The following SORCS3 variants were observed in gnomAD, a reference collection of about 807,000 sequenced individuals.
SORCS3 encodes the protein sortilin related VPS10 domain containing receptor 3.
In SORCS3, 57 loss-of-function variants were observed where a neutral mutation model predicts 146.3. That is an observed-to-expected ratio of 0.39 (90% CI 0.31 to 0.49). The LOEUF (loss-of-function observed/expected upper bound fraction) is 0.49, where lower values mean the gene tolerates loss of function less well. Among genes scored for constraint, SORCS3 ranks in the 20% least tolerant of loss-of-function variants. SORCS3 has a pLI of 0.92. For missense variants in SORCS3, 1,341 were observed against 1,575.5 expected, an observed-to-expected ratio of 0.85 and a Z score of 2.52; for synonymous variants, 653 against 618.5, an observed-to-expected ratio of 1.06 and a Z score of -0.83.
At chr10:105,187,346 A>G (rs1409508740) in intron 14 of SORCS3, among the ~76,000 whole-genome samples, 1 of 152,114 alleles carries the variant, frequency 6.6e-6, no homozygotes, top group Non-Finnish European at 1.5e-5. Flanking sequence ...GCCTATTTCT[A>G]TTAAGGTCTA....
intron 12 of SORCS3, among the ~76,000 whole-genome samples, 182 bp downstream of exon 12, chr10:105,164,561 G>T (rs1192482075): frequency 1.3e-5 from 2 of 152,188 alleles, no homozygotes; most frequent in Admixed American, 6.5e-5. Flanking sequence ...AATGAGAAGG[G>T]CATTGGGCAG....
At chr10:104,694,362 C>G (rs1009472738) in intron 1 of SORCS3, among the ~76,000 whole-genome samples, 1 of 151,694 alleles carries the variant, frequency 6.6e-6, no homozygotes, top group East Asian at 2.0e-4. Flanking sequence ...CTCCAGCTCA[C>G]CTTGGACCAG....
At position 105,089,882 on chromosome 10, in the gene SORCS3, T is replaced by C. The variant is rs1305393938; in HGVS notation, c.1093+43T>C. On this transcript the variant is annotated intron_variant, in intron 6 of 26. Transcript: ENST00000369701. ...CAGGCTAGGCCCAGGGAGATCTGCC[T>C]GCAGGTCTCTGTCCTCCCCCAATTT... 10 of 1,474,678 alleles carry C rather than the reference T, an allele frequency of 6.8e-6. No individual in the cohort carries two copies. The Admixed American group carries it at 1.7e-4, about 25-fold the overall frequency. 91.3% of individuals were successfully genotyped at this position (1,474,678 alleles called of 1,614,324 possible). A position where few individuals can be genotyped will look rare whatever the true frequency, so the allele number is the denominator to read the frequency against.
intron 5 of SORCS3, among the ~76,000 whole-genome samples, chr10:105,075,686 C>T (rs922931659): frequency 6.6e-6 from 1 of 152,100 alleles, no homozygotes; most frequent in Non-Finnish European, 1.5e-5. Flanking sequence ...GGCTTTCTAA[C>T]AATCAACAGT....
Position 105,256,844 on chromosome 10 carries a change from G to C in SORCS3, c.3363G>C (p.Gly1121=), listed in dbSNP as rs765900928. The C allele has an allele frequency of 5.0e-6, 8 of 1,613,960 alleles. No individual in the cohort carries two copies. The Admixed American group carries it at 1.3e-4, about 27-fold the overall frequency. The change falls in exon 25 of 27, where the codon GGG becomes GGC. Residue 1121 remains glycine (G), a synonymous_variant. Coordinates refer to ENST00000369701, the MANE Select transcript of SORCS3 (RefSeq NM_014978.3). The stretch of plus-strand genomic sequence containing the variant: ...CTCCATTGGTGGACTCCAGTGCTGG[G>C]CACAGCAGCTCAGCCATGCTTATGC... ...TLAPLVDSSA[G]HSSSAMLMLL... is the part of the protein sequence containing the mutation.
chr10:104,693,030 C>A (rs906656347), intron 1 of SORCS3, among the ~76,000 whole-genome samples: 18 of 152,192 alleles, frequency 1.2e-4, no homozygotes, highest in African/African-American at 4.3e-4. Flanking sequence ...CACTAGTCTA[C>A]CCCAGGGGCA....
chr10:105,087,883 G>C (rs909401464), intron 5 of SORCS3, among the ~76,000 whole-genome samples: 4 of 152,206 alleles, frequency 2.6e-5, no homozygotes, highest in African/African-American at 9.6e-5. Context: ...TCCCATCTGT[G>C]AAAGTTTTTA....
chr10:104,704,154 A>G (rs1006757242), intron 1 of SORCS3, among the ~76,000 whole-genome samples: 6 of 145,346 alleles, frequency 4.1e-5, no homozygotes, highest in African/African-American at 1.5e-4. Context: ...AGCTCATCCA[A>G]GTTTCCTTCT....
intron 6 of SORCS3, among the ~76,000 whole-genome samples, chr10:105,096,383 T>C (rs1266788026): frequency 3.3e-5 from 5 of 152,116 alleles, no homozygotes; most frequent in Non-Finnish European, 7.3e-5. Context: ...CAGCTGCTGC[T>C]TCTGGCCTGG....
intron 1 of SORCS3, among the ~76,000 whole-genome samples, chr10:104,659,271 G>C (rs1564653111): frequency 6.6e-6 from 1 of 152,046 alleles, no homozygotes; most frequent in Admixed American, 6.6e-5. Flanking sequence ...ACAATATTTA[G>C]AGCTGGAAAG....
chr10:104,946,703 C>T (rs1003625254), intron 3 of SORCS3, among the ~76,000 whole-genome samples: 2 of 152,116 alleles, frequency 1.3e-5, no homozygotes, highest in Admixed American at 6.5e-5. Context: ...TGTGCCTCTC[C>T]CCACCTCCCT....
At chr10:104,807,231 G>A (rs952570214) in intron 1 of SORCS3, among the ~76,000 whole-genome samples, 1 of 151,960 alleles carries the variant, frequency 6.6e-6, no homozygotes, top group African/African-American at 2.4e-5. Flanking sequence ...GCATGCATGC[G>A]TGCGCATGCA....
At chr10:105,026,564 A>T (rs759478914) in intron 4 of SORCS3, among the ~76,000 whole-genome samples, 37 of 152,344 alleles carry the variant, frequency 2.4e-4, no homozygotes, top group Admixed American at 3.9e-4. Flanking sequence ...TATCACAGAC[A>T]TGGAATCAAC....
At chr10:104,652,224 T>C (rs1366867781) in intron 1 of SORCS3, among the ~76,000 whole-genome samples, 1 of 152,234 alleles carries the variant, frequency 6.6e-6, no homozygotes, top group East Asian at 1.9e-4. Context: ...ATTCTTTCGC[T>C]CATTCATTCA....
intron 3 of SORCS3, among the ~76,000 whole-genome samples, chr10:104,951,919 T>G (rs987999173): frequency 6.6e-6 from 1 of 152,064 alleles, no homozygotes; most frequent in Non-Finnish European, 1.5e-5. Flanking sequence ...ATACATTATC[T>G]CATTTAACCC....
rs566206498 is a variant in SORCS3 at position 105,217,079 on chromosome 10, C to T, written c.2691C>T (p.Asn897=). The T allele has an allele frequency of 3.1e-6, 5 of 1,614,160 alleles. No homozygotes were observed. Among genetic ancestry groups the T allele is most frequent in the South Asian group, 1.1e-5 (1 of 91,078 alleles). ...GIFQVTAYAE[N]NLGSDTAVLF... The stretch of plus-strand genomic sequence containing the variant: ...TCCAGGTGACAGCCTATGCAGAGAA[C>T]AACCTTGGCTCAGACACAGCTGTCC... Residue 897 remains asparagine (N), a synonymous_variant, in exon 19 of 27, where the codon AAC becomes AAT. Transcript: ENST00000369701.
intron 4 of SORCS3, among the ~76,000 whole-genome samples, chr10:105,039,543 G>A (rs776495122): frequency 5.7e-5 from 8 of 140,452 alleles, no homozygotes; most frequent in South Asian, 2.4e-4. Context: ...TGCAGCCTCC[G>A]CCTCCCAGGT....
At chr10:105,194,496 GT>G (rs1204928971) in intron 14 of SORCS3, among the ~76,000 whole-genome samples, 26 of 152,170 alleles carry the variant, frequency 1.7e-4, no homozygotes, top group Non-Finnish European at 3.1e-4. Context: ...TGTCAAAATA[GT>G]TTATCTTGGT....
chr10:104,747,928 T>C (rs2016930067), intron 1 of SORCS3, among the ~76,000 whole-genome samples: 1 of 152,254 alleles, frequency 6.6e-6, no homozygotes, highest in African/African-American at 2.4e-5. Context: ...GGAAAGTTCT[T>C]CCTTTATTCC....
Sources: gnomAD v4.1 joint callset for allele counts (sites outside exome capture counted in the v4.1 genomes callset) on GRCh38, gnomAD v4.1.1 for gene constraint, MANE v1.5 for transcripts, NCBI Gene and HGNC (gene_info 2026-07-23, HGNC 2026-07-21) for gene names.